CTNNA2: variants seen among roughly 807,000 people sequenced by gnomAD.
The protein encoded by CTNNA2 is catenin alpha-2.
In CTNNA2, 42 loss-of-function variants were observed where a neutral mutation model predicts 101.0. The ratio of observed to expected loss-of-function variants is 0.42; its 90% CI spans 0.32 to 0.54. The LOEUF is 0.54. CTNNA2 is among the 20% of genes least tolerant of loss of function. CTNNA2 has a pLI of 0.14. For synonymous variants in CTNNA2, 450 were observed against 456.4 expected, an observed-to-expected ratio of 0.99 and a Z score of 0.18; for missense variants, 871 against 1,223.1, an observed-to-expected ratio of 0.71 and a Z score of 4.29.
intron 1 of CTNNA2, among the ~76,000 whole-genome samples, chr2:79,639,150 G>A (rs1380195901): frequency 6.6e-6 from 1 of 152,158 alleles, no homozygotes; most frequent in Non-Finnish European, 1.5e-5. Flanking sequence ...TGGTCCCAGA[G>A]ATGCCCATCT....
At chr2:80,135,026 T>C (rs1454822943) in intron 7 of CTNNA2, among the ~76,000 whole-genome samples, 1 of 152,202 alleles carries the variant, frequency 6.6e-6, no homozygotes, top group Non-Finnish European at 1.5e-5. Flanking sequence ...TATTAAAATG[T>C]GATCTGCATA....
At chr2:80,046,296 G>T (rs928733654) in intron 7 of CTNNA2, among the ~76,000 whole-genome samples, 1 of 152,130 alleles carries the variant, frequency 6.6e-6, no homozygotes, top group Non-Finnish European at 1.5e-5. Context: ...GCCCAAGAGA[G>T]GTTAAATGCC....
intron 7 of CTNNA2, among the ~76,000 whole-genome samples, chr2:80,218,901 T>G (rs934648478): frequency 1.3e-5 from 2 of 152,214 alleles, no homozygotes; most frequent in African/African-American, 4.8e-5. Flanking sequence ...TTATGAGAAA[T>G]ATTTAATCGT....
chr2:80,457,837 T>G (rs950151593), intron 9 of CTNNA2, among the ~76,000 whole-genome samples: 3 of 152,128 alleles, frequency 2.0e-5, no homozygotes, highest in East Asian at 1.9e-4. Flanking sequence ...TAAGATTTTG[T>G]TTTTTTTCTC....
intron 2 of CTNNA2, among the ~76,000 whole-genome samples, chr2:79,287,545 G>A (rs1439738817): frequency 5.2e-5 from 5 of 96,350 alleles, no homozygotes; most frequent in African/African-American, 1.8e-4. Context: ...CTGCTGGGGG[G>A]TGCCTCCCAG....
At chr2:79,777,734 C>T (rs114969991) in intron 3 of CTNNA2, among the ~76,000 whole-genome samples, 315 of 152,170 alleles carry the variant, frequency 2.1e-3, no homozygotes, top group African/African-American at 7.3e-3. Context: ...AATTATTTCT[C>T]CATTTAGAGG....
intron 9 of CTNNA2, among the ~76,000 whole-genome samples, chr2:80,521,132 G>C (rs1460994452): frequency 6.6e-6 from 1 of 152,190 alleles, no homozygotes; most frequent in Non-Finnish European, 1.5e-5. Context: ...GCGTCCCTGT[G>C]TAGTGAGCAA....
chr2:80,619,201 C>A lies in CTNNA2; in HGVS notation c.2547C>A (p.Ile849=). The change falls in exon 18 of 19, where the codon ATC becomes ATA. Residue 849 remains isoleucine, a synonymous_variant. Coordinates refer to ENST00000402739, the MANE Select transcript of CTNNA2 (RefSeq NM_001282597.3). ...HLPTCAEGAP[I]GSGSSDSSML... The stretch of plus-strand genomic sequence containing the variant: ...CAACCTGTGCTGAGGGAGCTCCGAT[C>A]GGGAGTGGAAGCAGTGATTCCTCCA... 1 of 1,583,840 alleles carries A rather than the reference C, an allele frequency of 6.3e-7. No individual in the cohort carries two copies. The highest frequency in any genetic ancestry group is 8.6e-7 in the Non-Finnish European group (1 of 1,164,974).
At chr2:80,233,492 T>C (rs6738679) in intron 7 of CTNNA2, among the ~76,000 whole-genome samples, 18,870 of 152,126 alleles carry the variant, frequency 0.12, 2,731 homozygotes, top group African/African-American at 0.36. Context: ...CCCTCTTTTG[T>C]GGCATTCCCC....
chr2:80,569,522 A>G (rs1231847507), intron 12 of CTNNA2, among the ~76,000 whole-genome samples: 1 of 151,964 alleles, frequency 6.6e-6, no homozygotes, highest in Non-Finnish European at 1.5e-5. Context: ...CAATGTGTGC[A>G]TCACAAAGGC....
At chr2:79,612,315 T>C (rs1678329155) in intron 1 of CTNNA2, among the ~76,000 whole-genome samples, 1 of 152,194 alleles carries the variant, frequency 6.6e-6, no homozygotes. Context: ...GGAAGCCGTT[T>C]GAATTTTAAT....
At chr2:79,383,958 G>A (rs1483527063) in intron 4 of CTNNA2, among the ~76,000 whole-genome samples, 1 of 152,138 alleles carries the variant, frequency 6.6e-6, no homozygotes, top group Non-Finnish European at 1.5e-5. Context: ...GGAAAGGAGA[G>A]TAGGAGCTAT....
chr2:80,455,065 C>T (rs1683849174), intron 9 of CTNNA2, among the ~76,000 whole-genome samples: 1 of 152,254 alleles, frequency 6.6e-6, no homozygotes, highest in African/African-American at 2.4e-5. Context: ...AGACAAGTCC[C>T]TTTCTTCCAG....
intron 3 of CTNNA2, among the ~76,000 whole-genome samples, chr2:79,818,445 T>G (rs1297322562): frequency 6.6e-6 from 1 of 152,060 alleles, no homozygotes; most frequent in African/African-American, 2.4e-5. Context: ...CCTGAGTAGC[T>G]GGGATTACAG....
chr2:80,545,366 G>C (rs561241368), intron 10 of CTNNA2, among the ~76,000 whole-genome samples: 2 of 152,084 alleles, frequency 1.3e-5, no homozygotes, highest in East Asian at 3.9e-4. Context: ...GGGCAACATA[G>C]TGAGACTCCA....
intron 6 of CTNNA2, among the ~76,000 whole-genome samples, chr2:79,896,728 G>A (rs956159504): frequency 1.3e-5 from 2 of 152,186 alleles, no homozygotes; most frequent in African/African-American, 4.8e-5. Flanking sequence ...ATTTGAATAA[G>A]TGAAAAGAAG....
intron 1 of CTNNA2, among the ~76,000 whole-genome samples, chr2:79,538,896 A>G (rs532176693): frequency 6.6e-6 from 1 of 152,290 alleles, no homozygotes; most frequent in African/African-American, 2.4e-5. Flanking sequence ...TGGCAGATAA[A>G]TCAATTAGGA....
At chr2:80,204,543 C>T (rs1234527791) in intron 7 of CTNNA2, among the ~76,000 whole-genome samples, 1 of 152,198 alleles carries the variant, frequency 6.6e-6, no homozygotes, top group East Asian at 1.9e-4. Flanking sequence ...TCCTTATCTC[C>T]ATCTGAGACC....
At chr2:79,287,086 A>T (rs1000937956) in intron 2 of CTNNA2, among the ~76,000 whole-genome samples, 17 of 152,066 alleles carry the variant, frequency 1.1e-4, no homozygotes, top group African/African-American at 3.9e-4. Context: ...GTAGTTCTCG[A>T]GCCTTGGTTT....
Sources: allele counts gnomAD v4.1 joint callset (sites outside exome capture counted in the v4.1 genomes callset), GRCh38; gene constraint gnomAD v4.1.1; transcripts MANE v1.5; gene names NCBI Gene and HGNC (gene_info 2026-07-23, HGNC 2026-07-21).